Variants in SPMIP2 observed in about 807,000 individuals in gnomAD.
SPMIP2 encodes sperm microtubule inner protein 2.
the SPMIP2 span, among the ~76,000 whole-genome samples, chr4:158,941,724 T>G: frequency 0.015 from 2,264 of 152,304 alleles, 31 homozygotes; most frequent in Non-Finnish European, 0.021. Flanking sequence ...AACTCTACTC[T>G]GTGAATTAAA....
chr4:158,919,814 C>T, the SPMIP2 span, among the ~76,000 whole-genome samples: 1 of 152,200 alleles, frequency 6.6e-6, no homozygotes, highest in African/African-American at 2.4e-5. Context: ...GTAGCCCCTT[C>T]AATCTGGCTT....
At chr4:158,907,472 T>C in the SPMIP2 span, 2 of 152,210 alleles carry the variant, frequency 1.3e-5, no homozygotes, top group Non-Finnish European at 2.9e-5. Flanking sequence ...TACTAAACCG[T>C]TGTTTGGGCT....
chr4:158,997,252 T>C, the SPMIP2 span, among the ~76,000 whole-genome samples: 2 of 143,852 alleles, frequency 1.4e-5, no homozygotes, highest in African/African-American at 5.1e-5. Flanking sequence ...TTTTTTGAGA[T>C]GAAGCTTCGC....
the SPMIP2 span, chr4:158,915,259 T>A: frequency 1.2e-6 from 2 of 1,613,770 alleles, no homozygotes; most frequent in Non-Finnish European, 1.7e-6. Flanking sequence ...ATAGCCCATT[T>A]GGAATTTCTC....
chr4:159,009,207 A>G, the SPMIP2 span, among the ~76,000 whole-genome samples: 23 of 152,228 alleles, frequency 1.5e-4, no homozygotes, highest in African/African-American at 5.5e-4. Flanking sequence ...ATGGCTTCTC[A>G]TACAGTGTTC....
At chr4:159,007,594 T>TC in the SPMIP2 span, 1 of 1,107,554 alleles carries the variant, frequency 9.0e-7, no homozygotes, top group Non-Finnish European at 1.3e-6. Flanking sequence ...GTGGAAGCTT[T>TC]CCAGACAACC....
At chr4:159,076,189 A>G in the SPMIP2 span, among the ~76,000 whole-genome samples, 3 of 152,202 alleles carry the variant, frequency 2.0e-5, no homozygotes, top group Non-Finnish European at 4.4e-5. Context: ...TCACACTTCC[A>G]ATAAGCATTA....
At chr4:158,915,192 G>A in the SPMIP2 span, 23 of 1,609,648 alleles carry the variant, frequency 1.4e-5, no homozygotes, top group Middle Eastern at 1.7e-4. Context: ...TGGTAGCTTC[G>A]GCAGCTTAGG....
chr4:159,020,582 A>C, the SPMIP2 span, among the ~76,000 whole-genome samples: 4 of 151,988 alleles, frequency 2.6e-5, no homozygotes, highest in Non-Finnish European at 2.9e-5. Flanking sequence ...TTTCCTTTCC[A>C]GTTATCTGCG....
chr4:159,064,000 T>C, the SPMIP2 span, among the ~76,000 whole-genome samples: 1 of 152,142 alleles, frequency 6.6e-6, no homozygotes, highest in Non-Finnish European at 1.5e-5. Context: ...ACAAAAACAA[T>C]TTATTAGTAG....
At chr4:158,896,237 TGGA>T in the SPMIP2 span, among the ~76,000 whole-genome samples, 3 of 152,150 alleles carry the variant, frequency 2.0e-5, no homozygotes, top group Admixed American at 6.5e-5. Flanking sequence ...TTTCACTTCC[TGGA>T]GGAGGAGTAG....
the SPMIP2 span, among the ~76,000 whole-genome samples, chr4:158,941,949 T>C: frequency 6.6e-6 from 1 of 152,166 alleles, no homozygotes; most frequent in African/African-American, 2.4e-5. Flanking sequence ...ACTTGAATCA[T>C]GTCTTACCGA....
the SPMIP2 span, among the ~76,000 whole-genome samples, chr4:159,080,626 G>C: frequency 2.0e-5 from 3 of 152,152 alleles, no homozygotes; most frequent in Admixed American, 6.5e-5. Flanking sequence ...CCTCATATGA[G>C]TGCCCCCCAC....
the SPMIP2 span, among the ~76,000 whole-genome samples, chr4:159,078,945 C>A: frequency 6.6e-6 from 1 of 151,932 alleles, no homozygotes; most frequent in African/African-American, 2.4e-5. Flanking sequence ...CAGTGAAACC[C>A]CATCTCTACT....
chr4:159,068,672 T>A, the SPMIP2 span, among the ~76,000 whole-genome samples: 43 of 145,906 alleles, frequency 2.9e-4, no homozygotes, highest in African/African-American at 8.4e-4. Context: ...AAAAAATAAA[T>A]AAATAAATAA....
the SPMIP2 span, among the ~76,000 whole-genome samples, chr4:158,935,327 A>G: frequency 6.6e-6 from 1 of 152,154 alleles, no homozygotes; most frequent in South Asian, 2.1e-4. Context: ...TCTCCTACAA[A>G]GCATGCCTCA....
the SPMIP2 span, among the ~76,000 whole-genome samples, chr4:159,023,428 C>T: frequency 1.3e-5 from 2 of 152,154 alleles, no homozygotes; most frequent in African/African-American, 4.8e-5. Context: ...AGGATTTCTC[C>T]CTCATAATCA....
chr4:159,001,528 AT>A, the SPMIP2 span, among the ~76,000 whole-genome samples: 2 of 151,852 alleles, frequency 1.3e-5, no homozygotes, highest in African/African-American at 4.8e-5. Flanking sequence ...CAAGTAGGCT[AT>A]TGTTCTCTTC....
the SPMIP2 span, among the ~76,000 whole-genome samples, chr4:159,053,869 G>A: frequency 2.6e-5 from 4 of 151,416 alleles, no homozygotes; most frequent in Non-Finnish European, 4.4e-5. Context: ...TGGGAGGATT[G>A]CTTGAACCCA....
Sources: gnomAD v4.1 joint callset for allele counts (sites outside exome capture counted in the v4.1 genomes callset) on GRCh38, gnomAD v4.1.1 for gene constraint, MANE v1.5 for transcripts, NCBI Gene and HGNC (gene_info 2026-07-23, HGNC 2026-07-21) for gene names.